MGMT: variants seen among roughly 807,000 people sequenced by gnomAD.
MGMT encodes the protein methylated-DNA--protein-cysteine methyltransferase.
A neutral mutation model predicts 15.9 loss-of-function variants in MGMT; 14 were observed. The ratio of observed to expected loss-of-function variants is 0.88; its 90% CI spans 0.58 to 1.37. MGMT has a LOEUF of 1.37. Among genes scored for constraint, MGMT ranks in the 40% most tolerant of loss-of-function variants. The probability of loss-of-function intolerance (pLI) is 0.00; values close to 1 mark genes in which losing one functional copy is unlikely to be tolerated. For missense variants in MGMT, 282 were observed against 268.1 expected, an observed-to-expected ratio of 1.05 and a Z score of -0.36; for synonymous variants, 130 against 118.2, an observed-to-expected ratio of 1.10 and a Z score of -0.65.
At chr10:129,593,567 G>A (rs544226639) in intron 2 of MGMT, among the ~76,000 whole-genome samples, 4 of 152,164 alleles carry the variant, frequency 2.6e-5, no homozygotes, top group African/African-American at 9.7e-5. Flanking sequence ...GTCATATCAC[G>A]TCCCCTTCTG....
intron 1 of MGMT, among the ~76,000 whole-genome samples, chr10:129,495,605 T>G (rs576696090): frequency 1.7e-4 from 26 of 152,220 alleles, no homozygotes; most frequent in Admixed American, 7.2e-4. Flanking sequence ...TGATAGGTCC[T>G]ACTCCAAAAT....
intron 1 of MGMT, among the ~76,000 whole-genome samples, chr10:129,489,550 A>T (rs866521258): frequency 3.2e-4 from 48 of 152,164 alleles, no homozygotes; most frequent in African/African-American, 1.2e-3. Context: ...CTGTAGACTA[A>T]TGTGGGGAGA....
intron 1 of MGMT, among the ~76,000 whole-genome samples, chr10:129,470,923 G>T (rs1845223441): frequency 6.6e-6 from 1 of 152,164 alleles, no homozygotes; most frequent in Non-Finnish European, 1.5e-5. Flanking sequence ...ACCATGAAAG[G>T]AATGGTGAGA....
chr10:129,523,572 C>T (rs990534087), intron 1 of MGMT, among the ~76,000 whole-genome samples: 4 of 152,246 alleles, frequency 2.6e-5, no homozygotes, highest in South Asian at 2.1e-4. Context: ...CCGACGTGGA[C>T]GGGTACAGCT....
intron 2 of MGMT, among the ~76,000 whole-genome samples, chr10:129,565,169 G>T (rs868298377): frequency 3.9e-5 from 6 of 152,284 alleles, no homozygotes; most frequent in Non-Finnish European, 5.9e-5. Context: ...GGGGCCCGGC[G>T]CGAAAACAGC....
chr10:129,737,207 A>C (rs1033284784), intron 3 of MGMT, among the ~76,000 whole-genome samples: 5 of 152,178 alleles, frequency 3.3e-5, no homozygotes, highest in African/African-American at 1.2e-4. Context: ...AATCAGACAT[A>C]GATTTGGTAT....
chr10:129,627,032 C>G (rs1043270312), intron 2 of MGMT, among the ~76,000 whole-genome samples: 1 of 152,162 alleles, frequency 6.6e-6, no homozygotes, highest in African/African-American at 2.4e-5. Flanking sequence ...GTGTCCCTCA[C>G]GCTGGCTTTC....
At chr10:129,552,805 G>A (rs1448747956) in intron 2 of MGMT, among the ~76,000 whole-genome samples, 1 of 152,250 alleles carries the variant, frequency 6.6e-6, no homozygotes, top group Non-Finnish European at 1.5e-5. Flanking sequence ...GGAAGTGCAA[G>A]CAGTCCGTCC....
chr10:129,560,727 C>T (rs1846266713), intron 2 of MGMT, among the ~76,000 whole-genome samples: 1 of 152,218 alleles, frequency 6.6e-6, no homozygotes, highest in African/African-American at 2.4e-5. Flanking sequence ...ACACATTCAT[C>T]AGCTGAACGT....
intron 2 of MGMT, among the ~76,000 whole-genome samples, chr10:129,590,601 A>G (rs1361717979): frequency 6.6e-6 from 1 of 152,238 alleles, no homozygotes; most frequent in Non-Finnish European, 1.5e-5. Flanking sequence ...GCCAAGAAAA[A>G]GAACGTAAAC....
chr10:129,618,632 T>C (rs1847055898), intron 2 of MGMT, among the ~76,000 whole-genome samples: 1 of 152,076 alleles, frequency 6.6e-6, no homozygotes. Context: ...GGCGTATAGC[T>C]CCATATTTGT....
chr10:129,497,855 CTG>C (rs527580400), intron 1 of MGMT, among the ~76,000 whole-genome samples: 6 of 152,222 alleles, frequency 3.9e-5, no homozygotes, highest in Non-Finnish European at 8.8e-5. Flanking sequence ...AAGGTGCTCT[CTG>C]TGAACCAGGA....
Position 129,767,090 on chromosome 10 carries a change from G to T in MGMT, c.*93G>T. 2 of 1,113,858 alleles carry T rather than the reference G, an allele frequency of 1.8e-6. No homozygotes were observed. The highest frequency in any genetic ancestry group is 1.3e-6 in the Non-Finnish European group (1 of 799,856). 69.0% of individuals were successfully genotyped at this position (1,113,858 alleles called of 1,614,324 possible). ...AGGCACCGCTGTATTAAAGGAAGTG[G>T]CAGTGTCCTGGGAACAAGCGTGTCT... On this transcript the variant is annotated 3_prime_UTR_variant, in exon 5 of 5. Coordinates refer to ENST00000651593, the MANE Select transcript of MGMT (RefSeq NM_002412.5).
At chr10:129,480,019 TAAAAAC>T in intron 1 of MGMT, among the ~76,000 whole-genome samples, 1 of 152,154 alleles carries the variant, frequency 6.6e-6, no homozygotes, top group East Asian at 1.9e-4. Context: ...CATTTTAAAA[TAAAAAC>T]TAGCTATATT....
rs1314912896 is a variant in MGMT at position 129,767,482 on chromosome 10, G to A, written c.*485G>A. 6.5e-6 allele frequency: 1 copy of A among 153,574 alleles called. No homozygotes were observed. The highest frequency in any genetic ancestry group is 1.9e-4 in the East Asian group (1 of 5,242). 9.5% of individuals were successfully genotyped at this position (153,574 alleles called of 1,614,324 possible). ...ATCCCACACCCAGGTCTCACTGAAA[G>A]AAAGGGGAACAGGCCATGGCAGTCA... On this transcript the variant is annotated 3_prime_UTR_variant, in exon 5 of 5. Transcript: ENST00000651593.
intron 3 of MGMT, among the ~76,000 whole-genome samples, chr10:129,746,194 G>A (rs1028521264): frequency 4.1e-5 from 6 of 145,304 alleles, no homozygotes; most frequent in Admixed American, 2.1e-4. Context: ...AGCCGAGATC[G>A]CACCACTTTG....
chr10:129,691,748 C>T (rs1489851458), intron 2 of MGMT, among the ~76,000 whole-genome samples: 1 of 152,148 alleles, frequency 6.6e-6, no homozygotes, highest in Non-Finnish European at 1.5e-5. Context: ...TCAAACGCAG[C>T]TTCCTGGGCT....
chr10:129,635,488 T>C (rs529036908), intron 2 of MGMT, among the ~76,000 whole-genome samples: 1 of 152,376 alleles, frequency 6.6e-6, no homozygotes, highest in Non-Finnish European at 1.5e-5. Context: ...CTCTCCAGTT[T>C]CTTGAAAAGT....
chr10:129,607,370 A>G (rs1327239325), intron 2 of MGMT, among the ~76,000 whole-genome samples: 1 of 152,154 alleles, frequency 6.6e-6, no homozygotes. Flanking sequence ...AGTACCATTG[A>G]AGAAGTATGT....
Sources: allele counts gnomAD v4.1 joint callset (sites outside exome capture counted in the v4.1 genomes callset), GRCh38; gene constraint gnomAD v4.1.1; transcripts MANE v1.5; gene names NCBI Gene and HGNC (gene_info 2026-07-23, HGNC 2026-07-21).